The following LPAR3 variants were observed in gnomAD, a reference collection of about 807,000 sequenced individuals.
LPAR3 encodes the protein LPA receptor 3.
LPAR3 carries 7 observed loss-of-function variants against 17.8 expected under a neutral mutation model. The ratio of observed to expected loss-of-function variants is 0.39; its 90% CI spans 0.22 to 0.74. The LOEUF (loss-of-function observed/expected upper bound fraction) is 0.74. LPAR3 is among the 30% of genes least tolerant of loss of function. The probability of loss-of-function intolerance (pLI) is 0.40; values close to 1 mark genes in which losing one functional copy is unlikely to be tolerated. For synonymous variants in LPAR3, 179 were observed against 179.9 expected, an observed-to-expected ratio of 0.99 and a Z score of 0.04; for missense variants, 391 against 453.4, an observed-to-expected ratio of 0.86 and a Z score of 1.25.
At chr1:84,858,697 G>A (rs551829032) in intron 2 of LPAR3, among the ~76,000 whole-genome samples, 60 of 152,138 alleles carry the variant, frequency 3.9e-4, no homozygotes, top group Non-Finnish European at 7.1e-4. Context: ...ATCTCAACAA[G>A]TGTGTGCCAG....
chr1:84,821,906 G>A (rs745511028), intron 2 of LPAR3, among the ~76,000 whole-genome samples: 1 of 152,170 alleles, frequency 6.6e-6, no homozygotes, highest in South Asian at 2.1e-4. Flanking sequence ...AGAGGAGACA[G>A]TGTTCAGTTT....
intron 1 of LPAR3, among the ~76,000 whole-genome samples, chr1:84,886,013 T>C (rs1274557214): frequency 6.6e-6 from 1 of 152,224 alleles, no homozygotes. Flanking sequence ...TACACATATA[T>C]TTCCTAGCTC....
intron 2 of LPAR3, among the ~76,000 whole-genome samples, chr1:84,831,510 C>T (rs1175035708): frequency 6.8e-6 from 1 of 147,972 alleles, no homozygotes. Context: ...ACCCTCTTTA[C>T]ATTGCATTAT....
intron 2 of LPAR3, among the ~76,000 whole-genome samples, chr1:84,820,400 C>A (rs1391050489): frequency 1.3e-5 from 2 of 152,176 alleles, no homozygotes; most frequent in Non-Finnish European, 2.9e-5. Context: ...AGGGACAGAA[C>A]CTGGACCTGA....
intron 2 of LPAR3, among the ~76,000 whole-genome samples, chr1:84,844,042 G>T (rs1480002676): frequency 6.6e-6 from 1 of 152,200 alleles, no homozygotes; most frequent in Non-Finnish European, 1.5e-5. Context: ...TTTATTTGTT[G>T]ATGGATCACC....
chr1:84,817,167 G>C (rs547050581), intron 2 of LPAR3, among the ~76,000 whole-genome samples: 1 of 152,002 alleles, frequency 6.6e-6, no homozygotes, highest in African/African-American at 2.4e-5. Flanking sequence ...TGAGCATTGA[G>C]GCTAAATACT....
At chr1:84,872,962 C>T (rs1486953401) in intron 1 of LPAR3, among the ~76,000 whole-genome samples, 3 of 152,116 alleles carry the variant, frequency 2.0e-5, no homozygotes, top group African/African-American at 7.2e-5. Flanking sequence ...TCCCAAAAAC[C>T]CATAACCCCA....
intron 2 of LPAR3, among the ~76,000 whole-genome samples, chr1:84,849,235 C>T (rs371714017): frequency 2.4e-4 from 36 of 151,858 alleles, no homozygotes; most frequent in East Asian, 5.8e-4. Context: ...ATTAGCCGGG[C>T]GTGGTGGTGG....
rs1659664259 is a variant in LPAR3, at chr1:84,849,622, C to T, written c.736+15763G>A. Among the ~76,000 whole-genome samples, 5 of 152,178 alleles carry T rather than the reference C, an allele frequency of 3.3e-5. No individual in the cohort carries two copies. The South Asian group carries it at 1.0e-3, about 32-fold the overall frequency. ...ATAATGTAGAAACTCTAAGGGGAGTCCCTGGGATCCACCAGTTGCTAAGAT... is the reference window on the plus strand; with the variant it reads ...ATAATGTAGAAACTCTAAGGGGAGTTCCTGGGATCCACCAGTTGCTAAGAT... On this transcript the variant is annotated intron_variant, in intron 2 of 2. Coordinates refer to ENST00000370611, the MANE Select transcript of LPAR3 (RefSeq NM_012152.3).
chr1:84,891,424 G>A (rs1190439460), intron 1 of LPAR3, among the ~76,000 whole-genome samples: 3 of 152,208 alleles, frequency 2.0e-5, no homozygotes, highest in Non-Finnish European at 4.4e-5. Flanking sequence ...CTTATCTCAA[G>A]TACACAACTC....
intron 1 of LPAR3, among the ~76,000 whole-genome samples, chr1:84,888,128 TTATATA>T (rs59851142): frequency 3.3e-4 from 49 of 147,920 alleles, no homozygotes; most frequent in African/African-American, 1.2e-3. Context: ...GATGTATATT[TTATATA>T]TATATATATA....
At chr1:84,844,020 A>G (rs2102755786) in intron 2 of LPAR3, among the ~76,000 whole-genome samples, 1 of 152,312 alleles carries the variant, frequency 6.6e-6, no homozygotes, top group Non-Finnish European at 1.5e-5. Flanking sequence ...AATTCTTGAC[A>G]TTCTGTTCTA....
At chr1:84,817,492 G>C (rs1658960404) in intron 2 of LPAR3, among the ~76,000 whole-genome samples, 1 of 152,150 alleles carries the variant, frequency 6.6e-6, no homozygotes, top group African/African-American at 2.4e-5. Flanking sequence ...GATGTGTTTG[G>C]AGAGAGATCT....
chr1:84,887,788 T>C (rs752749376), intron 1 of LPAR3, among the ~76,000 whole-genome samples: 7 of 152,100 alleles, frequency 4.6e-5, no homozygotes, highest in Non-Finnish European at 8.8e-5. Flanking sequence ...AGGTTGGGAG[T>C]CATCCTACAG....
intron 2 of LPAR3, among the ~76,000 whole-genome samples, chr1:84,858,211 G>A (rs1659864613): frequency 6.6e-6 from 1 of 152,134 alleles, no homozygotes; most frequent in Non-Finnish European, 1.5e-5. Context: ...GCCGGGCATG[G>A]TGGTTCATGC....
At chr1:84,815,403 G>A (rs1268634468) in intron 2 of LPAR3, among the ~76,000 whole-genome samples, 3 of 152,170 alleles carry the variant, frequency 2.0e-5, no homozygotes, top group East Asian at 1.9e-4. Flanking sequence ...CGCACTCAGG[G>A]AGCTAAAATA....
intron 1 of LPAR3, among the ~76,000 whole-genome samples, chr1:84,892,111 G>A (rs1660563240): frequency 6.6e-6 from 1 of 151,978 alleles, no homozygotes; most frequent in Non-Finnish European, 1.5e-5. Flanking sequence ...TACTAGGGAG[G>A]CTGAGGCAGG....
At chr1:84,884,339 T>C (rs1660419661) in intron 1 of LPAR3, among the ~76,000 whole-genome samples, 1 of 152,210 alleles carries the variant, frequency 6.6e-6, no homozygotes, top group South Asian at 2.1e-4. Context: ...CCGCAGAAAG[T>C]AAAAATTGCC....
intron 2 of LPAR3, among the ~76,000 whole-genome samples, chr1:84,842,469 A>G (rs1204749718): frequency 6.6e-6 from 1 of 152,250 alleles, no homozygotes; most frequent in Non-Finnish European, 1.5e-5. Context: ...ATGAGCAGAA[A>G]TCATTTTCCT....
Sources: gnomAD v4.1 joint callset for allele counts (sites outside exome capture counted in the v4.1 genomes callset) on GRCh38, gnomAD v4.1.1 for gene constraint, MANE v1.5 for transcripts, NCBI Gene and HGNC (gene_info 2026-07-23, HGNC 2026-07-21) for gene names.